SORCS1: variants seen among roughly 807,000 people sequenced by gnomAD.
SORCS1 encodes the protein VPS10 domain-containing receptor SorCS1.
SORCS1 carries 60 observed loss-of-function variants against 146.1 expected under a neutral mutation model. The ratio of observed to expected loss-of-function variants is 0.41; its 90% CI spans 0.33 to 0.51. SORCS1 has a LOEUF of 0.51. Ranked by LOEUF, SORCS1 falls within the 20% of genes least tolerant of loss-of-function variation. The pLI is 0.21. For synonymous variants in SORCS1, 637 were observed against 584.0 expected, an observed-to-expected ratio of 1.09 and a Z score of -1.31; for missense variants, 1,352 against 1,487.6, an observed-to-expected ratio of 0.91 and a Z score of 1.50.
intron 7 of SORCS1, among the ~76,000 whole-genome samples, chr10:106,708,174 A>C (rs1192688006): frequency 2.0e-5 from 3 of 152,184 alleles, no homozygotes; most frequent in Admixed American, 2.0e-4. Flanking sequence ...AACTATTCGA[A>C]TGTCCATTGA....
At chr10:106,664,228 C>T (rs1439382374) in intron 17 of SORCS1, among the ~76,000 whole-genome samples, 1 of 152,130 alleles carries the variant, frequency 6.6e-6, no homozygotes, top group African/African-American at 2.4e-5. Context: ...ATGCTTATTG[C>T]TAAGTCACAT....
At chr10:106,838,989 C>T (rs1948906501) in intron 2 of SORCS1, among the ~76,000 whole-genome samples, 1 of 152,144 alleles carries the variant, frequency 6.6e-6, no homozygotes, top group Admixed American at 6.6e-5. Flanking sequence ...GTTTTGACTG[C>T]TCCAACAACC....
At chr10:106,908,135 C>T (rs1951994379) in intron 2 of SORCS1, among the ~76,000 whole-genome samples, 1 of 151,910 alleles carries the variant, frequency 6.6e-6, no homozygotes, top group African/African-American at 2.4e-5. Context: ...TTTATATGTC[C>T]CTCTATGGAT....
chr10:107,035,829 C>A (rs1321814923), intron 1 of SORCS1, among the ~76,000 whole-genome samples: 3 of 151,904 alleles, frequency 2.0e-5, no homozygotes, highest in African/African-American at 7.2e-5. Context: ...CTCATTTAAT[C>A]CTCACAAATA....
In SORCS1 at chr10:106,630,561, C is replaced by G. The variant is rs528129537; in HGVS notation, c.2476-1173G>C. On this transcript the variant is annotated intron_variant, in intron 18 of 25. Coordinates refer to ENST00000263054, the MANE Select transcript of SORCS1 (RefSeq NM_052918.5). ...TGAATTCTCATGTGCCATTAACAAG[C>G]TGGAAGACTTCATGCAAGTCATTCA... Among the ~76,000 whole-genome samples, 3 of 152,310 alleles carry G rather than the reference C, an allele frequency of 2.0e-5. No homozygotes were observed. The South Asian group carries it at 6.2e-4, about 32-fold the overall frequency.
chr10:107,173,720 T>C, the SORCS1 span, among the ~76,000 whole-genome samples: 4 of 152,332 alleles, frequency 2.6e-5, no homozygotes, highest in East Asian at 1.9e-4. Flanking sequence ...TGTATGTATA[T>C]GGCATGAAGT....
intron 1 of SORCS1, among the ~76,000 whole-genome samples, chr10:107,133,014 C>A (rs1177829656): frequency 6.6e-6 from 1 of 152,164 alleles, no homozygotes; most frequent in Non-Finnish European, 1.5e-5. Context: ...TTCCTTACAC[C>A]CGCTGAAGGT....
intron 2 of SORCS1, among the ~76,000 whole-genome samples, chr10:106,844,879 A>G (rs1949251228): frequency 6.7e-6 from 1 of 149,434 alleles, no homozygotes; most frequent in Admixed American, 6.7e-5. Context: ...ATGGTTTCCA[A>G]TTTCATCCAT....
At chr10:106,621,978 T>C (rs1230762751) in intron 19 of SORCS1, among the ~76,000 whole-genome samples, 1 of 152,042 alleles carries the variant, frequency 6.6e-6, no homozygotes, top group African/African-American at 2.4e-5. Context: ...CTCATACTTG[T>C]TCAAAATTAA....
At chr10:106,639,364 G>A (rs928353834) in intron 18 of SORCS1, among the ~76,000 whole-genome samples, 5 of 152,168 alleles carry the variant, frequency 3.3e-5, no homozygotes, top group African/African-American at 9.7e-5. Flanking sequence ...GATGTTTGCC[G>A]AACTGGAACT....
intron 1 of SORCS1, among the ~76,000 whole-genome samples, chr10:107,045,084 G>C (rs1453899013): frequency 6.6e-6 from 1 of 152,116 alleles, no homozygotes; most frequent in Admixed American, 6.5e-5. Flanking sequence ...GAGAGACCAG[G>C]ACCGTATTAT....
intron 19 of SORCS1, among the ~76,000 whole-genome samples, chr10:106,620,958 T>C (rs760463094): frequency 1.3e-5 from 2 of 152,098 alleles, no homozygotes; most frequent in Non-Finnish European, 2.9e-5. Flanking sequence ...TGATGAAGGG[T>C]GAATGGACAA....
At chr10:106,891,364 G>C (rs1376874839) in intron 2 of SORCS1, among the ~76,000 whole-genome samples, 1 of 152,064 alleles carries the variant, frequency 6.6e-6, no homozygotes, top group African/African-American at 2.4e-5. Flanking sequence ...TTGATAGAGT[G>C]ATCAGAATCA....
chr10:106,993,883 G>T lies in SORCS1; in HGVS notation c.559-37303C>A, dbSNP rs542045338. ...GACTCAGGAGTTTGAGACCGGCCTGGGCAACATGGTGAAACCCCATCTCTA... is the reference window on the plus strand; with the variant it reads ...GACTCAGGAGTTTGAGACCGGCCTGTGCAACATGGTGAAACCCCATCTCTA... On this transcript the variant is annotated intron_variant, in intron 1 of 25. Coordinates refer to ENST00000263054, the MANE Select transcript of SORCS1 (RefSeq NM_052918.5). 1.4e-3 allele frequency among the ~76,000 whole-genome samples: 213 copies of T among 151,834 alleles called. 1 individual carries two copies. The highest frequency in any genetic ancestry group is 5.0e-3 in the African/African-American group (207 of 41,404).
chr10:107,069,385 CT>C (rs548088842), intron 1 of SORCS1, among the ~76,000 whole-genome samples: 2 of 150,074 alleles, frequency 1.3e-5, no homozygotes, highest in Non-Finnish European at 3.0e-5. Flanking sequence ...TTTCTTTTTT[CT>C]TTTTTTTAGA....
At chr10:106,592,468 A>C (rs902376463) in intron 24 of SORCS1, among the ~76,000 whole-genome samples, 9 of 152,194 alleles carry the variant, frequency 5.9e-5, no homozygotes, top group Admixed American at 3.9e-4. Context: ...GAAAAGAGAC[A>C]GTTCTTTTTC....
chr10:106,610,489 A>G (rs1338466644), intron 22 of SORCS1, among the ~76,000 whole-genome samples: 7 of 152,172 alleles, frequency 4.6e-5, no homozygotes, highest in African/African-American at 1.7e-4. Context: ...TTAAGTGCTA[A>G]CCAAATATTA....
At chr10:107,077,491 G>A (rs892641241) in intron 1 of SORCS1, among the ~76,000 whole-genome samples, 5 of 151,332 alleles carry the variant, frequency 3.3e-5, no homozygotes, top group African/African-American at 9.7e-5. Context: ...CATAGAACAA[G>A]TGCAGGATGA....
Position 107,164,380 on chromosome 10 carries a change from C to A in SORCS1, c.147G>T (p.Ser49=). ...GGGAAAAGCCCCTAGGGGTCGAGGC[C>A]GAGCGTGGAGCGGAGCTGGGGTGCG... ...PSPHPSSAPR[S]ASTPRGFSHQ... Residue 49 remains serine (S), a synonymous_variant, in exon 1 of 26, where the codon TCG becomes TCT. Coordinates refer to ENST00000263054, the MANE Select transcript of SORCS1 (RefSeq NM_052918.5). This position sits in a 1 kb window ranked among gnomAD's most constrained non-coding sequence, Gnocchi z 6.8. 2 of 1,465,020 alleles carry A rather than the reference C, an allele frequency of 1.4e-6. No individual in the cohort carries two copies. Among genetic ancestry groups the A allele is most frequent in the Non-Finnish European group, 1.8e-6 (2 of 1,112,356 alleles). The allele number at this position is 1,465,020 out of a possible 1,614,324, so 90.8% of individuals were successfully genotyped here. A position where few individuals can be genotyped will look rare whatever the true frequency, so the allele number is the denominator to read the frequency against.
Sources: allele counts gnomAD v4.1 joint callset (sites outside exome capture counted in the v4.1 genomes callset), GRCh38; gene constraint gnomAD v4.1.1; non-coding constraint Gnocchi (gnomAD v3.1); transcripts MANE v1.5; gene names NCBI Gene and HGNC (gene_info 2026-07-23, HGNC 2026-07-21).